Variants in PREPL observed in about 807,000 individuals in gnomAD.
The protein encoded by PREPL is prolyl endopeptidase like.
Under a neutral mutation model 70.6 loss-of-function variants are expected in PREPL, and 77 were observed. That is an observed-to-expected ratio of 1.09 (90% CI 0.91 to 1.32). PREPL has a LOEUF of 1.32. PREPL is among the 40% of genes most tolerant of loss of function. The pLI is 0.00. For synonymous variants in PREPL, 315 were observed against 264.8 expected (o/e 1.19, Z -1.84); for missense variants, 1,002 against 778.2 (o/e 1.29, Z -3.42).
chr2:44,342,296 G>T, intron 5 of PREPL, 121 bp downstream of exon 5: 1 of 863,870 alleles, frequency 1.2e-6, no homozygotes, highest in Non-Finnish European at 1.7e-6. Context: ...AAGAATGATC[G>T]TTTTAGCCTT....
chr2:44,320,666 T>A lies in PREPL; in HGVS notation c.*690A>T. On this transcript the variant is annotated 3_prime_UTR_variant, in exon 14 of 14. Coordinates refer to ENST00000409411, the MANE Select transcript of PREPL (RefSeq NM_001171613.2). ...CACCTTTATGAAGAGATGAAGACAC[T>A]GGCATTTCAGTGGGATTGTAAGCAT... is the stretch of plus-strand genomic sequence containing the variant. The A allele has an allele frequency of 1.0e-5, 16 of 1,570,646 alleles. No individual in the cohort carries two copies. The highest frequency in any genetic ancestry group is 1.3e-5 in the Non-Finnish European group (15 of 1,140,646).
intron 1 of PREPL, 88 bp from the exon 2 acceptor site, chr2:44,346,478 A>C: frequency 8.2e-7 from 1 of 1,221,456 alleles, no homozygotes; most frequent in Non-Finnish European, 1.2e-6. Flanking sequence ...TATACCGTAG[A>C]CTTAACGTTG....
rs757256067 is a variant in PREPL at position 44,317,611 on chromosome 2, C to G, written c.*3745G>C. The G allele has an allele frequency of 6.6e-6, 1 of 152,418 alleles. No homozygotes were observed. Among genetic ancestry groups the G allele is most frequent in the Non-Finnish European group, 1.5e-5 (1 of 68,306 alleles). The allele number at this position is 152,418 out of a possible 1,614,324, so 9.4% of individuals were successfully genotyped here. ...TCTAGACATTGAGAAACATTATTTT[C>G]AAGTGGTCATAATTTTAATGGTAAA... On this transcript the variant is annotated 3_prime_UTR_variant, in exon 14 of 14. Coordinates refer to ENST00000409411, the MANE Select transcript of PREPL (RefSeq NM_001171613.2).
chr2:44,359,363 G>A, intron 1 of PREPL: 1 of 740,986 alleles, frequency 1.3e-6, no homozygotes. Flanking sequence ...AGAGACAATT[G>A]AGACTTGAAA....
chr2:44,345,315 C>A (rs1259432228), intron 2 of PREPL, among the ~76,000 whole-genome samples: 1 of 151,916 alleles, frequency 6.6e-6, no homozygotes, highest in Non-Finnish European at 1.5e-5. Context: ...TCACCTATTG[C>A]GGTTCAATTT....
rs200469602 is a variant in PREPL at position 44,321,328 on chromosome 2, T to C, written c.*28A>G. On this transcript the variant is annotated 3_prime_UTR_variant, in exon 14 of 14. Coordinates refer to ENST00000409411, the MANE Select transcript of PREPL (RefSeq NM_001171613.2). ...TAAGACTATGAAATATTTCAGTGTGTTTCCAATTCCCAGTTGAATGCAGTG... is the reference window on the plus strand; with the variant it reads ...TAAGACTATGAAATATTTCAGTGTGCTTCCAATTCCCAGTTGAATGCAGTG... The C allele has an allele frequency of 3.6e-5, 55 of 1,536,900 alleles. No individual in the cohort carries two copies. Among genetic ancestry groups the C allele is most frequent in the Non-Finnish European group, 4.9e-5 (54 of 1,113,188 alleles).
intron 8 of PREPL, among the ~76,000 whole-genome samples, chr2:44,330,411 T>C (rs1043980806): frequency 2.6e-5 from 4 of 152,184 alleles, no homozygotes; most frequent in African/African-American, 7.2e-5. Context: ...GGTCCAATAA[T>C]TGCAACATTT....
rs575074975 is a variant in PREPL at position 44,322,091 on chromosome 2, A to G, written c.1754-191T>C. 2.6e-5 allele frequency among the ~76,000 whole-genome samples: 4 copies of G among 152,278 alleles called. No individual in the cohort carries two copies. In the Middle Eastern group the frequency reaches 0.01, roughly 391 times the overall value. ...CAGAAGACAAACTTCTGACACAGCG[A>G]AAGCAGGAAGAGGCCGTATGGAAAA... is the stretch of plus-strand genomic sequence containing the variant. On this transcript the variant is annotated intron_variant, in intron 12 of 13. Transcript: ENST00000409411.
chr2:44,338,352 T>C lies in PREPL; in HGVS notation c.887A>G (p.Lys296Arg), dbSNP rs1184819554. 6.2e-7 allele frequency: 1 copy of C among 1,609,184 alleles called. No individual in the cohort carries two copies. Among genetic ancestry groups the C allele is most frequent in the African/African-American group, 1.3e-5 (1 of 74,684 alleles). The change falls in exon 7 of 14, where the codon AAG (lysine) becomes AGG (arginine). Residue 296 changes from lysine to arginine, a missense_variant and splice_region_variant. By Grantham distance (26) the Lys-to-Arg change is conservative. Coordinates refer to ENST00000409411, the MANE Select transcript of PREPL (RefSeq NM_001171613.2). The part of the protein sequence containing the change: ...GLADDSVRSL[K>R]LPPWACGFIM... Reference sequence around the variant, plus strand: ...TTAACTTCTGAAAATTAAACATACCTTTAGAGACCGAACTGAATCATCAGC... The same window carrying C: ...TTAACTTCTGAAAATTAAACATACCCTTAGAGACCGAACTGAATCATCAGC...
chr2:44,350,742 T>G (rs1277455706), intron 1 of PREPL, among the ~76,000 whole-genome samples: 1 of 152,230 alleles, frequency 6.6e-6, no homozygotes, highest in Admixed American at 6.5e-5. Context: ...TGACTGCTCC[T>G]GTCAAGGTCA....
intron 7 of PREPL, among the ~76,000 whole-genome samples, chr2:44,335,332 T>A (rs1238549813): frequency 1.3e-5 from 2 of 152,194 alleles, no homozygotes; most frequent in East Asian, 1.9e-4. Context: ...CCACATGACA[T>A]TTCTAACTTT....
intron 1 of PREPL, among the ~76,000 whole-genome samples, chr2:44,347,824 G>A (rs181605778): frequency 5.0e-4 from 76 of 152,218 alleles, no homozygotes; most frequent in Non-Finnish European, 7.2e-4. Context: ...ACATTGTAGA[G>A]AATGTAAGCT....
At chr2:44,354,924 G>A (rs73924703) in intron 1 of PREPL, among the ~76,000 whole-genome samples, 5,807 of 152,206 alleles carry the variant, frequency 0.038, 344 homozygotes, top group African/African-American at 0.13. Flanking sequence ...ATACATGACT[G>A]TGAAATAAGT....
At chr2:44,359,519 G>C (rs1366308151) in intron 1 of PREPL, 7 of 1,611,474 alleles carry the variant, frequency 4.3e-6, no homozygotes, top group Non-Finnish European at 5.9e-6. Context: ...GCTCCGACTT[G>C]GGATGTTTCT....
In PREPL at chr2:44,320,889, T is replaced by C. The variant is rs903603565; in HGVS notation, c.*467A>G. The C allele has an allele frequency of 8.0e-6, 4 of 502,868 alleles. No homozygotes were observed. Among genetic ancestry groups the C allele is most frequent in the Admixed American group, 3.4e-5 (1 of 29,008 alleles). 31.2% of individuals were successfully genotyped at this position (502,868 alleles called of 1,614,324 possible). On this transcript the variant is annotated 3_prime_UTR_variant, in exon 14 of 14. Transcript: ENST00000409411. ...TCAATCAGGGATGACCAGAACACAT[T>C]AGGACCCCAGATTATTCAAAAACTT...
chr2:44,334,072 A>G (rs1050613964), intron 7 of PREPL, among the ~76,000 whole-genome samples: 6 of 152,238 alleles, frequency 3.9e-5, no homozygotes, highest in Non-Finnish European at 8.8e-5. Flanking sequence ...TTTAATCATA[A>G]TAAAAACTGT....
At chr2:44,327,035 TAA>T in intron 9 of PREPL, 107 bp from the exon 10 acceptor site, 1 of 915,828 alleles carries the variant, frequency 1.1e-6, no homozygotes, top group Non-Finnish European at 1.7e-6. Flanking sequence ...GCCCTGGAGC[TAA>T]GACTGGTTTT....
intron 1 of PREPL, among the ~76,000 whole-genome samples, chr2:44,349,117 T>C (rs889908176): frequency 5.9e-5 from 9 of 152,158 alleles, no homozygotes; most frequent in Non-Finnish European, 7.4e-5. Context: ...ATTTTAACAA[T>C]GAAAGCTGTT....
In PREPL at chr2:44,320,710, C is replaced by A; in HGVS notation, c.*646G>T. ...TAAGCATTTGTAATAGCTTCATGTA[C>A]AGCATGCTGCTTGGTGAACAATCAT... On this transcript the variant is annotated 3_prime_UTR_variant, in exon 14 of 14. Transcript: ENST00000409411. 8.9e-7 allele frequency: 1 copy of A among 1,127,490 alleles called. No homozygotes were observed. The highest frequency in any genetic ancestry group is 1.4e-6 in the Non-Finnish European group (1 of 739,388). The allele number at this position is 1,127,490 out of a possible 1,614,324, so 69.8% of individuals were successfully genotyped here.
Sources: allele counts gnomAD v4.1 joint callset (sites outside exome capture counted in the v4.1 genomes callset), GRCh38; gene constraint gnomAD v4.1.1; transcripts MANE v1.5; gene names NCBI Gene and HGNC (gene_info 2026-07-23, HGNC 2026-07-21).